Variants in ADAM12 observed in about 807,000 individuals in gnomAD.
ADAM12 encodes the protein disintegrin and metalloproteinase domain-containing protein 12.
Under a neutral mutation model 106.4 loss-of-function variants are expected in ADAM12, and 70 were observed. That is an observed-to-expected ratio of 0.66 (90% CI 0.54 to 0.80). The LOEUF (loss-of-function observed/expected upper bound fraction) is 0.80, where lower values mean the gene tolerates loss of function less well. ADAM12 is among the 30% of genes least tolerant of loss of function. The pLI is 0.00. For missense variants in ADAM12, 1,010 were observed against 1,171.9 expected (o/e 0.86, Z 2.02); for synonymous variants, 420 against 433.5 (o/e 0.97, Z 0.39).
intron 3 of ADAM12, among the ~76,000 whole-genome samples, chr10:126,180,596 C>T (rs1285017363): frequency 6.6e-6 from 1 of 152,110 alleles, no homozygotes; most frequent in African/African-American, 2.4e-5. Context: ...GCCCCAGTGT[C>T]TGTCTGTCTA....
intron 3 of ADAM12, among the ~76,000 whole-genome samples, chr10:126,242,962 G>T (rs1958556534): frequency 6.6e-6 from 1 of 152,208 alleles, no homozygotes; most frequent in Non-Finnish European, 1.5e-5. Flanking sequence ...TCTAGCCAAG[G>T]CTGTGACACA....
At chr10:126,327,099 GCA>G (rs869293050) in intron 2 of ADAM12, among the ~76,000 whole-genome samples, 1 of 146,308 alleles carries the variant, frequency 6.8e-6, no homozygotes, top group Non-Finnish European at 1.5e-5. Context: ...GAAGAAGAAT[GCA>G]CATGAGGAGA....
intron 3 of ADAM12, among the ~76,000 whole-genome samples, chr10:126,212,685 C>T (rs1957923748): frequency 1.3e-5 from 2 of 152,168 alleles, no homozygotes; most frequent in Admixed American, 1.3e-4. Flanking sequence ...ACAGGTATCT[C>T]TTAAGCATGA....
intron 3 of ADAM12, among the ~76,000 whole-genome samples, chr10:126,219,285 C>T (rs1034689856): frequency 2.0e-5 from 3 of 152,202 alleles, no homozygotes; most frequent in African/African-American, 4.8e-5. Context: ...CTTAGCGCCT[C>T]GAACAGAGGT....
chr10:126,309,512 G>C (rs1960989278), intron 2 of ADAM12, among the ~76,000 whole-genome samples: 1 of 152,142 alleles, frequency 6.6e-6, no homozygotes, highest in Non-Finnish European at 1.5e-5. Context: ...GATTTATTAA[G>C]TAATTCTTAC....
At chr10:126,042,403 C>T (rs1565005403) in intron 18 of ADAM12, among the ~76,000 whole-genome samples, 2 of 151,816 alleles carry the variant, frequency 1.3e-5, no homozygotes, top group African/African-American at 4.8e-5. Flanking sequence ...ACAGGCAGAC[C>T]TGTGTGTGTG....
chr10:126,321,905 C>CGGGGGGGGGGGGG (rs4019511), intron 2 of ADAM12, among the ~76,000 whole-genome samples: 1 of 94,088 alleles, frequency 1.1e-5, no homozygotes, highest in African/African-American at 3.7e-5. Flanking sequence ...ACCTGGGGGT[C>CGGGGGGGGGGGGG]GGGGGGGGGG....
At chr10:126,044,204 G>A (rs1199597946) in intron 17 of ADAM12, among the ~76,000 whole-genome samples, 1 of 151,996 alleles carries the variant, frequency 6.6e-6, no homozygotes, top group Non-Finnish European at 1.5e-5. Context: ...GGGAGGCCAA[G>A]GTGGGCAGAT....
At chr10:126,268,150 T>C (rs1233402991) in intron 3 of ADAM12, among the ~76,000 whole-genome samples, 4 of 152,166 alleles carry the variant, frequency 2.6e-5, no homozygotes, top group African/African-American at 7.2e-5. Context: ...GTAACCACCA[T>C]TCTACTTTCT....
intron 2 of ADAM12, among the ~76,000 whole-genome samples, chr10:126,295,633 C>A (rs904385254): frequency 6.6e-6 from 1 of 151,268 alleles, no homozygotes; most frequent in Non-Finnish European, 1.5e-5. Context: ...TCCAAACTGA[C>A]AATCATAGTT....
At chr10:126,318,498 C>T (rs1044572751) in intron 2 of ADAM12, among the ~76,000 whole-genome samples, 9 of 145,170 alleles carry the variant, frequency 6.2e-5, no homozygotes, top group Non-Finnish European at 1.4e-4. Context: ...ATTCTCAGAG[C>T]CACACTCTCT....
chr10:126,210,306 A>C (rs1306522838), intron 3 of ADAM12, among the ~76,000 whole-genome samples: 1 of 152,198 alleles, frequency 6.6e-6, no homozygotes, highest in Non-Finnish European at 1.5e-5. Flanking sequence ...TAAATGTTAT[A>C]AATGTTATTG....
chr10:126,296,443 AT>A (rs1404654468), intron 2 of ADAM12, among the ~76,000 whole-genome samples: 13 of 152,108 alleles, frequency 8.5e-5, no homozygotes, highest in African/African-American at 3.1e-4. Context: ...CCTTTTAAAT[AT>A]TTTTAAATGT....
chr10:126,300,428 C>T (rs1960569578), intron 2 of ADAM12, among the ~76,000 whole-genome samples: 1 of 152,190 alleles, frequency 6.6e-6, no homozygotes, highest in Non-Finnish European at 1.5e-5. Context: ...AATTCAGTAC[C>T]TCCAAGCTAA....
At position 126,012,970 on chromosome 10, in the gene ADAM12, C is replaced by T. The variant is rs1484365443; in HGVS notation, c.*4309G>A. The T allele has an allele frequency of 2.6e-5, 4 of 152,236 alleles. No individual in the cohort carries two copies. In the East Asian group the frequency reaches 7.7e-4, roughly 29 times the overall value. The allele number at this position is 152,236 out of a possible 1,614,324, so 9.4% of individuals were successfully genotyped here. A position where few individuals can be genotyped will look rare whatever the true frequency, so the allele number is the denominator to read the frequency against. On this transcript the variant is annotated 3_prime_UTR_variant, in exon 23 of 23. Coordinates refer to ENST00000448723, the MANE Select transcript of ADAM12 (RefSeq NM_001288973.2). ...TACCTTATAGGAGAATCATGGGGAA[C>T]AGAGAAACTGCTTTTTGAAGATGAT...
At chr10:126,173,165 T>C (rs565376221) in intron 3 of ADAM12, among the ~76,000 whole-genome samples, 2 of 152,120 alleles carry the variant, frequency 1.3e-5, no homozygotes, top group East Asian at 3.9e-4. Context: ...AGATGATGAG[T>C]TGATGGGTGC....
intron 5 of ADAM12, among the ~76,000 whole-genome samples, chr10:126,122,984 C>A (rs1330157705): frequency 6.6e-6 from 1 of 152,196 alleles, no homozygotes; most frequent in East Asian, 1.9e-4. Context: ...ATATTTCTAG[C>A]AATTGTTACT....
At chr10:126,385,488 A>T (rs1856631258) in intron 1 of ADAM12, among the ~76,000 whole-genome samples, 1 of 152,240 alleles carries the variant, frequency 6.6e-6, no homozygotes, top group Non-Finnish European at 1.5e-5. Flanking sequence ...ATTTCTTATT[A>T]TATCACAATA....
chr10:126,220,666 T>C (rs1958073669), intron 3 of ADAM12, among the ~76,000 whole-genome samples: 1 of 152,260 alleles, frequency 6.6e-6, no homozygotes, highest in Non-Finnish European at 1.5e-5. Flanking sequence ...CTTAGTGTCC[T>C]CCCTTCTCTG....
Sources: gnomAD v4.1 joint callset for allele counts (sites outside exome capture counted in the v4.1 genomes callset) on GRCh38, gnomAD v4.1.1 for gene constraint, MANE v1.5 for transcripts, NCBI Gene and HGNC (gene_info 2026-07-23, HGNC 2026-07-21) for gene names.